Variants in CDH18 observed in about 807,000 individuals in gnomAD.
The protein encoded by CDH18 is cadherin-18.
A neutral mutation model predicts 67.9 loss-of-function variants in CDH18; 31 were observed. The ratio of observed to expected loss-of-function variants is 0.46; its 90% CI spans 0.34 to 0.62. CDH18 has a LOEUF of 0.62. Ranked by LOEUF, CDH18 falls within the 20% of genes least tolerant of loss-of-function variation. The pLI is 0.01. For missense variants in CDH18, 890 were observed against 975.5 expected (o/e 0.91, Z 1.17); for synonymous variants, 362 against 347.2 (o/e 1.04, Z -0.48).
chr5:20,517,942 G>A (rs184045390), intron 1 of CDH18, among the ~76,000 whole-genome samples: 3 of 151,982 alleles, frequency 2.0e-5, no homozygotes, highest in Non-Finnish European at 4.4e-5. Context: ...ATCAGATAAT[G>A]GAACAGGTTG....
At chr5:20,393,623 C>A (rs1745044540) in intron 1 of CDH18, among the ~76,000 whole-genome samples, 2 of 151,892 alleles carry the variant, frequency 1.3e-5, no homozygotes, top group Non-Finnish European at 2.9e-5. Context: ...CTAGAAAACC[C>A]TAATGACTCT....
At chr5:20,380,377 C>G (rs1313662390) in intron 1 of CDH18, among the ~76,000 whole-genome samples, 1 of 152,076 alleles carries the variant, frequency 6.6e-6, no homozygotes, top group Non-Finnish European at 1.5e-5. Context: ...CAGAAAATAA[C>G]ATTTGCTTTC....
chr5:20,512,199 G>C (rs1225382725), intron 1 of CDH18, among the ~76,000 whole-genome samples: 1 of 151,988 alleles, frequency 6.6e-6, no homozygotes, highest in Non-Finnish European at 1.5e-5. Context: ...CTCCAGCTTG[G>C]GCAACAGAGT....
intron 2 of CDH18, among the ~76,000 whole-genome samples, chr5:20,063,651 T>C (rs1443145676): frequency 6.6e-6 from 1 of 152,148 alleles, no homozygotes; most frequent in Admixed American, 6.6e-5. Context: ...AAGATGCCTT[T>C]CAAACATTTA....
intron 3 of CDH18, among the ~76,000 whole-genome samples, chr5:19,810,413 T>C (rs921282680): frequency 3.3e-5 from 5 of 152,010 alleles, no homozygotes; most frequent in African/African-American, 9.7e-5. Flanking sequence ...TTCAAGTTAA[T>C]ATTCATACTT....
intron 2 of CDH18, among the ~76,000 whole-genome samples, chr5:19,849,696 ACACG>A (rs1783456399): frequency 1.8e-4 from 4 of 22,434 alleles, no homozygotes; most frequent in African/African-American, 3.0e-4. Context: ...ATATATATAT[ACACG>A]CATATATATA....
At chr5:20,403,159 C>G (rs1194873300) in intron 1 of CDH18, among the ~76,000 whole-genome samples, 1 of 152,116 alleles carries the variant, frequency 6.6e-6, no homozygotes, top group Non-Finnish European at 1.5e-5. Flanking sequence ...ATTTGTTTTA[C>G]TAATGTTCTT....
intron 2 of CDH18, among the ~76,000 whole-genome samples, chr5:20,133,710 GC>G (rs1219848939): frequency 2.0e-5 from 3 of 151,670 alleles, no homozygotes; most frequent in Non-Finnish European, 4.4e-5. Flanking sequence ...AATATAAAGT[GC>G]CCCCTAACCT....
intron 11 of CDH18, among the ~76,000 whole-genome samples, chr5:19,499,737 T>C (rs1293973579): frequency 2.6e-5 from 4 of 152,120 alleles, no homozygotes; most frequent in Admixed American, 2.6e-4. Context: ...TCTTTCTCAA[T>C]TCATTCACTA....
chr5:19,639,065 C>T (rs897106814), intron 5 of CDH18, among the ~76,000 whole-genome samples: 1 of 135,366 alleles, frequency 7.4e-6, no homozygotes, highest in African/African-American at 2.7e-5. Context: ...TGCAGTGGCG[C>T]GATCTCGGCT....
At chr5:19,734,944 A>C (rs1768107855) in intron 4 of CDH18, among the ~76,000 whole-genome samples, 2 of 152,194 alleles carry the variant, frequency 1.3e-5, no homozygotes, top group Admixed American at 1.3e-4. Context: ...TTTAAGCAAT[A>C]AAAGTTGATT....
At chr5:19,730,990 C>T (rs1040142271) in intron 4 of CDH18, among the ~76,000 whole-genome samples, 3 of 152,158 alleles carry the variant, frequency 2.0e-5, no homozygotes, top group Non-Finnish European at 4.4e-5. Context: ...TGGATGGCTA[C>T]TTAAAATTTT....
At chr5:19,584,251 A>T (rs559144018) in intron 7 of CDH18, among the ~76,000 whole-genome samples, 5 of 152,278 alleles carry the variant, frequency 3.3e-5, no homozygotes, top group Admixed American at 2.0e-4. Flanking sequence ...AATGTACCAC[A>T]CCATGCACCA....
intron 2 of CDH18, among the ~76,000 whole-genome samples, chr5:20,224,226 T>C (rs1741436760): frequency 6.6e-6 from 1 of 152,078 alleles, no homozygotes; most frequent in South Asian, 2.1e-4. Flanking sequence ...TTTCTAGAAA[T>C]ATAGGTCAAG....
intron 2 of CDH18, among the ~76,000 whole-genome samples, chr5:19,883,547 C>T (rs1458501887): frequency 6.6e-6 from 1 of 150,456 alleles, no homozygotes; most frequent in African/African-American, 2.4e-5. Flanking sequence ...ATTGTTTTGT[C>T]CAGTATTACA....
intron 1 of CDH18, among the ~76,000 whole-genome samples, chr5:20,334,238 A>G (rs964472866): frequency 1.4e-5 from 2 of 139,750 alleles, no homozygotes; most frequent in Non-Finnish European, 3.0e-5. Flanking sequence ...GGTTCACGCC[A>G]TTCTCCTTCC....
At chr5:20,371,871 G>GT (rs1276014078) in intron 1 of CDH18, among the ~76,000 whole-genome samples, 2 of 152,200 alleles carry the variant, frequency 1.3e-5, no homozygotes, top group African/African-American at 4.8e-5. Context: ...GCAGAAGCAT[G>GT]TAAGTTTGAG....
At chr5:19,822,352 T>G (rs767252614) in intron 3 of CDH18, among the ~76,000 whole-genome samples, 1 of 152,000 alleles carries the variant, frequency 6.6e-6, no homozygotes, top group Non-Finnish European at 1.5e-5. Flanking sequence ...CCAACAACAA[T>G]AAGAAAGGAC....
At chr5:20,100,162 C>A (rs886754963) in intron 2 of CDH18, among the ~76,000 whole-genome samples, 6 of 151,920 alleles carry the variant, frequency 3.9e-5, no homozygotes, top group Non-Finnish European at 8.8e-5. Flanking sequence ...AAAGATTTGT[C>A]CCAAATAAAA....
Sources: gnomAD v4.1 joint callset for allele counts (sites outside exome capture counted in the v4.1 genomes callset) on GRCh38, gnomAD v4.1.1 for gene constraint, MANE v1.5 for transcripts, NCBI Gene and HGNC (gene_info 2026-07-23, HGNC 2026-07-21) for gene names.